The following GLP1R variants were observed in gnomAD, a reference collection of about 807,000 sequenced individuals.
GLP1R encodes glucagon-like peptide 1 receptor.
In GLP1R, 32 loss-of-function variants were observed where a neutral mutation model predicts 68.4. The ratio of observed to expected loss-of-function variants is 0.47; its 90% CI spans 0.35 to 0.63. GLP1R has a LOEUF of 0.63. Ranked by LOEUF, GLP1R falls within the 20% of genes least tolerant of loss-of-function variation. The pLI is 0.00. For synonymous variants in GLP1R, 263 were observed against 244.4 expected (o/e 1.08, Z -0.71); for missense variants, 502 against 594.9 (o/e 0.84, Z 1.62).
rs1308609994 is a variant in GLP1R at position 39,078,396 on chromosome 6, T to C, written c.884+14T>C. ...TGAGGACGAGGGGTGAGTGTCCTGC[T>C]CCAAGGGGGCGGGTGTGCCCAGGTC... On this transcript the variant is annotated intron_variant, in intron 8 of 12. Coordinates refer to ENST00000373256, the MANE Select transcript of GLP1R (RefSeq NM_002062.5). 5 of 1,593,572 alleles carry C rather than the reference T, an allele frequency of 3.1e-6. No homozygotes were observed. The highest frequency in any genetic ancestry group is 1.3e-5 in the African/African-American group (1 of 74,468).
intron 3 of GLP1R, among the ~76,000 whole-genome samples, chr6:39,058,272 A>G (rs1768267180): frequency 6.6e-6 from 1 of 152,178 alleles, no homozygotes; most frequent in South Asian, 2.1e-4. Flanking sequence ...CAGGTGGCCC[A>G]TACCTGGCAG....
At chr6:39,069,996 G>A (rs1323204947) in intron 5 of GLP1R, among the ~76,000 whole-genome samples, 1 of 152,202 alleles carries the variant, frequency 6.6e-6, no homozygotes, top group African/African-American at 2.4e-5. Context: ...TCTTCTCACT[G>A]TGTCCTCACA....
rs1167296041 is a variant in GLP1R, at chr6:39,088,549, CA to C, written c.*2478del. ...TGCTTTTGTTTGAGCTTTGTAGCCA[CA>C]AGGTCTGATGTCTGTTGTGAACAGC... On this transcript the variant is annotated 3_prime_UTR_variant, in exon 13 of 13. Coordinates refer to ENST00000373256, the MANE Select transcript of GLP1R (RefSeq NM_002062.5). Among the ~76,000 whole-genome samples the C allele has an allele frequency of 6.6e-6, 1 of 152,228 alleles. No homozygotes were observed. The highest frequency in any genetic ancestry group is 1.5e-5 in the Non-Finnish European group (1 of 68,052).
intron 3 of GLP1R, among the ~76,000 whole-genome samples, chr6:39,060,922 G>A (rs1379972202): frequency 1.3e-5 from 2 of 152,218 alleles, no homozygotes; most frequent in Admixed American, 6.5e-5. Flanking sequence ...CAGCAGCCCA[G>A]GCAGTGGTAC....
rs1421409424 is a variant in GLP1R, at chr6:39,049,166, G to C, written c.78+248G>C. ...AGGCGCCCTCTTCCTCGCCACCCGG[G>C]TCCCTCTGCCCGGGCACCCGCTGCC... On this transcript the variant is annotated intron_variant, in intron 1 of 12. Transcript: ENST00000373256. The surrounding 1 kb of genome is among the most constrained non-coding windows in gnomAD (Gnocchi z 4.5). Among the ~76,000 whole-genome samples, 1 of 152,068 alleles carries C rather than the reference G, an allele frequency of 6.6e-6. No individual in the cohort carries two copies. The highest frequency in any genetic ancestry group is 2.4e-5 in the African/African-American group (1 of 41,410).
At chr6:39,054,538 A>T (rs570817856) in intron 1 of GLP1R, among the ~76,000 whole-genome samples, 32 of 150,004 alleles carry the variant, frequency 2.1e-4, no homozygotes, top group African/African-American at 8.1e-4. Context: ...TTTTATGTCC[A>T]CAGCTCTGCT....
At chr6:39,065,150 G>GTC (rs370490271) in intron 3 of GLP1R, among the ~76,000 whole-genome samples, 66 of 152,002 alleles carry the variant, frequency 4.3e-4, no homozygotes, top group Middle Eastern at 6.8e-3. Context: ...GCAGGGCTGT[G>GTC]TCTCTCTCTC....
At chr6:39,059,844 G>A (rs553453872) in intron 3 of GLP1R, among the ~76,000 whole-genome samples, 14 of 152,232 alleles carry the variant, frequency 9.2e-5, no homozygotes, top group Admixed American at 1.3e-4. Context: ...TCTGCCTGCC[G>A]CTTGCAGCTC....
chr6:39,065,259 G>T (rs1440906508), intron 3 of GLP1R, among the ~76,000 whole-genome samples: 1 of 152,196 alleles, frequency 6.6e-6, no homozygotes. Context: ...GGAGGGAGGT[G>T]GGCACTGAGT....
rs185848017 is a variant in GLP1R, at chr6:39,077,968, C to T, written c.824-354C>T. ...GGGTTCGCCTGCTCCTTGCCTCATC[C>T]GTCATGCTGTCCCCACCGCATGGCC... On this transcript the variant is annotated intron_variant, in intron 7 of 12. Coordinates refer to ENST00000373256, the MANE Select transcript of GLP1R (RefSeq NM_002062.5). 7.9e-5 allele frequency among the ~76,000 whole-genome samples: 12 copies of T among 152,262 alleles called. No individual in the cohort carries two copies. In the East Asian group the frequency reaches 1.9e-3, roughly 25 times the overall value.
intron 3 of GLP1R, among the ~76,000 whole-genome samples, chr6:39,059,626 G>T (rs1308819790): frequency 2.0e-5 from 3 of 152,196 alleles, no homozygotes; most frequent in Non-Finnish European, 4.4e-5. Context: ...TGACATGGGT[G>T]TCGGGAGGAC....
intron 2 of GLP1R, 107 bp downstream of exon 2, chr6:39,056,600 A>G (rs1185864776): frequency 7.9e-6 from 5 of 635,500 alleles, no homozygotes; most frequent in Admixed American, 2.4e-5. Flanking sequence ...CCTCTATAGG[A>G]TGCCACCCCT....
At position 39,048,896 on chromosome 6, in the gene GLP1R, G is replaced by A; in HGVS notation, c.56G>A (p.Gly19Asp). Residue 19 changes from glycine (G) to aspartate (D), a missense_variant, in exon 1 of 13, where the codon GGC becomes GAC. Gly to Asp is a moderately conservative substitution (Grantham distance 94). Transcript: ENST00000373256. ...GCGCTGCTGCTGCTCGGGATGGTGGGCAGGGCCGGCCCCCGCCCCCAGGTG... is the reference window on the plus strand; with the variant it reads ...GCGCTGCTGCTGCTCGGGATGGTGGACAGGGCCGGCCCCCGCCCCCAGGTG... ...RLALLLLGMV[G>D]RAGPRPQGAT... The A allele has an allele frequency of 1.4e-6, 2 of 1,450,990 alleles. No homozygotes were observed. The highest frequency in any genetic ancestry group is 1.4e-5 in the South Asian group (1 of 71,746). The allele number at this position is 1,450,990 out of a possible 1,614,324, so 89.9% of individuals were successfully genotyped here. A position where few individuals can be genotyped will look rare whatever the true frequency, so the allele number is the denominator to read the frequency against.
At chr6:39,057,971 C>G (rs1419760557) in intron 3 of GLP1R, among the ~76,000 whole-genome samples, 1 of 152,208 alleles carries the variant, frequency 6.6e-6, no homozygotes, top group Non-Finnish European at 1.5e-5. Flanking sequence ...ACAGCCCTCC[C>G]CACCCAGAAT....
At position 39,088,599 on chromosome 6, in the gene GLP1R, G is replaced by C. The variant is rs10305528; in HGVS notation, c.*2526G>C. On this transcript the variant is annotated 3_prime_UTR_variant, in exon 13 of 13. Coordinates refer to ENST00000373256, the MANE Select transcript of GLP1R (RefSeq NM_002062.5). ...GCAGCTGACTTCAGCACTCTGGCCA[G>C]CTTCCTCAAACTTGTTAGTGGCTTG... 2.0e-5 allele frequency among the ~76,000 whole-genome samples: 3 copies of C among 152,220 alleles called. No individual in the cohort carries two copies. The highest frequency in any genetic ancestry group is 7.2e-5 in the African/African-American group (3 of 41,446).
At chr6:39,052,051 G>A (rs1360332132) in intron 1 of GLP1R, among the ~76,000 whole-genome samples, 1 of 151,946 alleles carries the variant, frequency 6.6e-6, no homozygotes, top group Admixed American at 6.6e-5. Flanking sequence ...GGCAGTCTGT[G>A]AGTGATTGTG....
intron 7 of GLP1R, among the ~76,000 whole-genome samples, chr6:39,076,456 T>C (rs183665879): frequency 6.5e-4 from 99 of 152,296 alleles, no homozygotes; most frequent in African/African-American, 1.8e-3. Context: ...TGATGAAGAA[T>C]GCTGGTCCGC....
rs910856129 is a variant in GLP1R, at chr6:39,086,089, C to A, written c.*16C>A. The A allele has an allele frequency of 1.2e-6, 2 of 1,610,706 alleles. No homozygotes were observed. The highest frequency in any genetic ancestry group is 1.3e-5 in the African/African-American group (1 of 74,626). On this transcript the variant is annotated 3_prime_UTR_variant, in exon 13 of 13. Coordinates refer to ENST00000373256, the MANE Select transcript of GLP1R (RefSeq NM_002062.5). The surrounding 1 kb of genome is among the most constrained non-coding windows in gnomAD (Gnocchi z 4.5). Reference sequence around the variant, plus strand: ...CTGCAGCTGAGACTCCAGCGCCTGCCCTCCCTGGGGTCCTTGCTGCAGGCC... The same window carrying A: ...CTGCAGCTGAGACTCCAGCGCCTGCACTCCCTGGGGTCCTTGCTGCAGGCC...
chr6:39,079,694 T>G lies in GLP1R; in HGVS notation c.1174T>G (p.Ser392Ala). 3.7e-6 allele frequency: 6 copies of G among 1,612,596 alleles called. No individual in the cohort carries two copies. The highest frequency in any genetic ancestry group is 5.1e-6 in the Non-Finnish European group (6 of 1,179,194). ...IKLFTELSFT[S>A]FQGLMVAILY... ...GCTGTTTACAGAGCTCTCCTTCACCTCCTTCCAGGTGACTTCATGCTTGGG... is the reference window on the plus strand; with the variant it reads ...GCTGTTTACAGAGCTCTCCTTCACCGCCTTCCAGGTGACTTCATGCTTGGG... Residue 392 changes from serine (S) to alanine (A), a missense_variant, in exon 11 of 13, where the codon TCC becomes GCC. By Grantham distance (99) the Ser-to-Ala change is moderately conservative. Transcript: ENST00000373256. The surrounding 1 kb of genome is among the most constrained non-coding windows in gnomAD (Gnocchi z 4.5).
Sources: allele counts gnomAD v4.1 joint callset (sites outside exome capture counted in the v4.1 genomes callset), GRCh38; gene constraint gnomAD v4.1.1; non-coding constraint Gnocchi (gnomAD v3.1); transcripts MANE v1.5; gene names NCBI Gene and HGNC (gene_info 2026-07-23, HGNC 2026-07-21).